Variants in SNX33 observed in about 807,000 individuals in gnomAD.
SNX33 encodes sorting nexin 33, also known as sorting nexin-33.
Under a neutral mutation model 38.8 loss-of-function variants are expected in SNX33, and 19 were observed. The observed-to-expected ratio is 0.49, with a 90% CI of 0.34 to 0.72. The LOEUF (loss-of-function observed/expected upper bound fraction) is 0.72, where lower values mean the gene tolerates loss of function less well. SNX33 is among the 30% of genes least tolerant of loss of function. The pLI is 0.01. For missense variants in SNX33, 641 were observed against 776.4 expected (o/e 0.83, Z 2.07); for synonymous variants, 246 against 289.7 (o/e 0.85, Z 1.53).
chr15:75,657,102 C>A lies in SNX33; in HGVS notation c.1612C>A (p.Arg538Ser). ...CGAGATGAACCACTTCCACCAGCGC[C>A]GTGAGCTCGACTTCAAGCACATGAT... ...QAEMNHFHQRRELDFKHMMQN... is the reference protein window; with the variant it reads ...QAEMNHFHQRSELDFKHMMQN... The change falls in exon 2 of 2, where the codon CGT becomes AGT. Residue 538 changes from arginine (R) to serine (S), a missense_variant. Coordinates refer to ENST00000308527, the MANE Select transcript of SNX33 (RefSeq NM_153271.2). This position sits in a 1 kb window ranked among gnomAD's most constrained non-coding sequence, Gnocchi z 5.5. 1 of 1,614,180 alleles carries A rather than the reference C, an allele frequency of 6.2e-7. No homozygotes were observed. Among genetic ancestry groups the A allele is most frequent in the Non-Finnish European group, 8.5e-7 (1 of 1,180,022 alleles).
At chr15:75,651,393 T>G (rs1376687943) in intron 1 of SNX33, among the ~76,000 whole-genome samples, 1 of 152,220 alleles carries the variant, frequency 6.6e-6, no homozygotes, top group Non-Finnish European at 1.5e-5. Flanking sequence ...CACGTCCATG[T>G]TGGCCACTTC....
Position 75,648,414 on chromosome 15 carries a change from G to A in SNX33, c.-689G>A. 1 of 985,420 alleles carries A rather than the reference G, an allele frequency of 1.0e-6. No individual in the cohort carries two copies. Among genetic ancestry groups the A allele is most frequent in the Non-Finnish European group, 1.2e-6 (1 of 829,958 alleles). 61.0% of individuals were successfully genotyped at this position (985,420 alleles called of 1,614,324 possible). On this transcript the variant is annotated 5_prime_UTR_variant, in exon 1 of 2. Coordinates refer to ENST00000308527, the MANE Select transcript of SNX33 (RefSeq NM_153271.2). This position sits in a 1 kb window ranked among gnomAD's most constrained non-coding sequence, Gnocchi z 4.4. ...GGTCGAAGAGTTGGCGGCCTGTTGT[G>A]TAAGCCTCAGTCCTTGTTTTCCCGG... is the stretch of plus-strand genomic sequence containing the variant.
Position 75,648,872 on chromosome 15 carries a change from A to T in SNX33, c.-231A>T. On this transcript the variant is annotated 5_prime_UTR_variant, in exon 1 of 2. Coordinates refer to ENST00000308527, the MANE Select transcript of SNX33 (RefSeq NM_153271.2). The surrounding 1 kb of genome is among the most constrained non-coding windows in gnomAD (Gnocchi z 4.4). ...CTGTGGACATGAGCCCTCCCTGCTC[A>T]CAAGCATATGCCCGGAGACCTGATA... 2.2e-6 allele frequency: 1 copy of T among 456,086 alleles called. No homozygotes were observed. The highest frequency in any genetic ancestry group is 3.7e-6 in the Non-Finnish European group (1 of 268,430). 28.3% of individuals were successfully genotyped at this position (456,086 alleles called of 1,614,324 possible).
chr15:75,653,935 T>C lies in SNX33; in HGVS notation c.1472-3027T>C, dbSNP rs147111551. Among the ~76,000 whole-genome samples, 607 of 151,486 alleles carry C rather than the reference T, an allele frequency of 4.0e-3. 10 individuals carry two copies. Among genetic ancestry groups the C allele is most frequent in the East Asian group, 0.012 (60 of 5,132 alleles). On this transcript the variant is annotated intron_variant, in intron 1 of 1. Coordinates refer to ENST00000308527, the MANE Select transcript of SNX33 (RefSeq NM_153271.2). ...AGTGAAACCCTGTCTCTACTAAAAA[T>C]ACAAAAAAATAGCCAGGCATGGTGG...
rs112187520 is a variant in SNX33, at chr15:75,661,846, T to A, written c.*4631T>A. ...AGGGGAGGCAGATTTCCCCTCTAGA[T>A]GAGTGAAGGGATAGGAGGCTGGTGA... On this transcript the variant is annotated 3_prime_UTR_variant, in exon 2 of 2. Transcript: ENST00000308527. This position sits in a 1 kb window ranked among gnomAD's most constrained non-coding sequence, Gnocchi z 4.5. The A allele has an allele frequency of 1.3e-5, 2 of 152,008 alleles. No homozygotes were observed. The highest frequency in any genetic ancestry group is 2.4e-5 in the African/African-American group (1 of 41,348). The allele number at this position is 152,008 out of a possible 1,614,324, so 9.4% of individuals were successfully genotyped here. A position where few individuals can be genotyped will look rare whatever the true frequency, so the allele number is the denominator to read the frequency against.
chr15:75,652,096 C>T (rs1188296523), intron 1 of SNX33, among the ~76,000 whole-genome samples: 1 of 151,922 alleles, frequency 6.6e-6, no homozygotes, highest in Non-Finnish European at 1.5e-5. Context: ...TTGGCTCTGC[C>T]CCTAGATTGC....
rs1893571428 is a variant in SNX33 at position 75,650,892 on chromosome 15, G to A, written c.1471+319G>A. Among the ~76,000 whole-genome samples the A allele has an allele frequency of 6.6e-6, 1 of 151,860 alleles. No homozygotes were observed. The highest frequency in any genetic ancestry group is 1.5e-5 in the Non-Finnish European group (1 of 68,012). On this transcript the variant is annotated intron_variant, in intron 1 of 1. Coordinates refer to ENST00000308527, the MANE Select transcript of SNX33 (RefSeq NM_153271.2). The surrounding 1 kb of genome is among the most constrained non-coding windows in gnomAD (Gnocchi z 6.1). ...CAAACAAACAAACAAACAAACAAAT[G>A]TGTTGAATATCAACTCTGTGTCTGT... is the stretch of plus-strand genomic sequence containing the variant.
In SNX33 at chr15:75,660,295, C is replaced by T. The variant is rs1893707513; in HGVS notation, c.*3080C>T. ...GCAGACCTCAGATCCTGCATCTCTT[C>T]ACCCGCTGGACACAGGAGGGCTATG... is the stretch of plus-strand genomic sequence containing the variant. On this transcript the variant is annotated 3_prime_UTR_variant, in exon 2 of 2. Transcript: ENST00000308527. 6.6e-6 allele frequency: 1 copy of T among 152,310 alleles called. No individual in the cohort carries two copies. The highest frequency in any genetic ancestry group is 1.5e-5 in the Non-Finnish European group (1 of 68,108). 9.4% of individuals were successfully genotyped at this position (152,310 alleles called of 1,614,324 possible). A position where few individuals can be genotyped will look rare whatever the true frequency, so the allele number is the denominator to read the frequency against.
At position 75,649,240 on chromosome 15, in the gene SNX33, G is replaced by T. The variant is rs775499078; in HGVS notation, c.138G>T (p.Gly46=). Residue 46 remains glycine, a synonymous_variant, in exon 1 of 2, where the codon GGG becomes GGT. Transcript: ENST00000308527. The surrounding 1 kb of genome is among the most constrained non-coding windows in gnomAD (Gnocchi z 6.6). ...GGCTGCAGGGCCAGAACAGCCGTGGGGAGACAGGGCTCTTTCCTGCCTCTT... is the reference window on the plus strand; with the variant it reads ...GGCTGCAGGGCCAGAACAGCCGTGGTGAGACAGGGCTCTTTCCTGCCTCTT... The part of the protein sequence containing the change: ...DGWLQGQNSR[G]ETGLFPASYV... The T allele has an allele frequency of 3.7e-6, 6 of 1,614,134 alleles. No individual in the cohort carries two copies. Among genetic ancestry groups the T allele is most frequent in the Non-Finnish European group, 5.1e-6 (6 of 1,180,008 alleles).
rs181414464 is a variant in SNX33, at chr15:75,655,783, G to C, written c.1472-1179G>C. On this transcript the variant is annotated intron_variant, in intron 1 of 1. Coordinates refer to ENST00000308527, the MANE Select transcript of SNX33 (RefSeq NM_153271.2). ...TTGAGCATGCTATCTGTGTGTAGTG[G>C]GTGCGTTTGCAGTGCTCAGGGGTGT... Among the ~76,000 whole-genome samples, 40 of 152,256 alleles carry C rather than the reference G, an allele frequency of 2.6e-4. No individual in the cohort carries two copies. In the East Asian group the frequency reaches 7.5e-3, roughly 29 times the overall value.
At chr15:75,652,234 G>T (rs75916688) in intron 1 of SNX33, among the ~76,000 whole-genome samples, 1,861 of 152,280 alleles carry the variant, frequency 0.012, 48 homozygotes, top group African/African-American at 0.038. Flanking sequence ...CCTGGGGAGG[G>T]TATGGCTCAG....
Position 75,648,859 on chromosome 15 carries a change from G to C in SNX33, c.-244G>C. On this transcript the variant is annotated 5_prime_UTR_variant, in exon 1 of 2. Coordinates refer to ENST00000308527, the MANE Select transcript of SNX33 (RefSeq NM_153271.2). This position sits in a 1 kb window ranked among gnomAD's most constrained non-coding sequence, Gnocchi z 4.4. ...AGGGAGGAGGAGACTGTGGACATGA[G>C]CCCTCCCTGCTCACAAGCATATGCC... 9.6e-6 allele frequency: 4 copies of C among 418,382 alleles called. No homozygotes were observed. Among genetic ancestry groups the C allele is most frequent in the Non-Finnish European group, 1.6e-5 (4 of 242,802 alleles). The allele number at this position is 418,382 out of a possible 1,614,324, so 25.9% of individuals were successfully genotyped here.
In SNX33 at chr15:75,650,429, A is replaced by G. The variant is rs1177735584; in HGVS notation, c.1327A>G (p.Ile443Val). The change falls in exon 1 of 2, where the codon ATT becomes GTT. Residue 443 changes from isoleucine to valine, a missense_variant. By Grantham distance (29) the Ile-to-Val change is conservative (BLOSUM62 3). Coordinates refer to ENST00000308527, the MANE Select transcript of SNX33 (RefSeq NM_153271.2). This position sits in a 1 kb window ranked among gnomAD's most constrained non-coding sequence, Gnocchi z 6.1. ...PFCSEALNSA[I>V]SHTGRTYEAI... is the part of the protein sequence containing the mutation. ...TTGCTCTGAGGCCCTCAACAGTGCC[A>G]TTTCTCACACGGGCCGTACCTATGA... 3 of 1,613,914 alleles carry G rather than the reference A, an allele frequency of 1.9e-6. No homozygotes were observed. The highest frequency in any genetic ancestry group is 2.7e-5 in the African/African-American group (2 of 74,872).
Position 75,650,371 on chromosome 15 carries a change from C to T in SNX33, c.1269C>T (p.Ala423=). 1.9e-6 allele frequency: 3 copies of T among 1,611,478 alleles called. No individual in the cohort carries two copies. Among genetic ancestry groups the T allele is most frequent in the Non-Finnish European group, 1.7e-6 (2 of 1,178,680 alleles). Residue 423 remains alanine, a synonymous_variant, in exon 1 of 2, where the codon GCC becomes GCT. Coordinates refer to ENST00000308527, the MANE Select transcript of SNX33 (RefSeq NM_153271.2). This position sits in a 1 kb window ranked among gnomAD's most constrained non-coding sequence, Gnocchi z 6.1. ...AGAAGCTGGGCAGTGCCTTCCAGGC[C>T]ATCAGTCATTCCTTCCAGATGGACC... The part of the protein sequence containing the change: ...EFQKLGSAFQ[A]ISHSFQMDPP...
At position 75,657,553 on chromosome 15, in the gene SNX33, C is replaced by T. The variant is rs956768472; in HGVS notation, c.*338C>T. The stretch of plus-strand genomic sequence containing the variant: ...GCTCACCTGGCCACTGCTGCCTTAT[C>T]CATTCAGCAGACACCGAGGCCTGCT... On this transcript the variant is annotated 3_prime_UTR_variant, in exon 2 of 2. Transcript: ENST00000308527. The surrounding 1 kb of genome is among the most constrained non-coding windows in gnomAD (Gnocchi z 5.5). The T allele has an allele frequency of 2.5e-6, 1 of 394,964 alleles. No individual in the cohort carries two copies. The allele number at this position is 394,964 out of a possible 1,614,324, so 24.5% of individuals were successfully genotyped here.
Position 75,649,899 on chromosome 15 carries a change from G to A in SNX33, c.797G>A (p.Arg266His), listed in dbSNP as rs998705036. Reference sequence around the variant, plus strand: ...CATGCTGCCTCACCCGTCTACCGGCGCTACAAACACTTTGACTGGCTCTAT... The same window carrying A: ...CATGCTGCCTCACCCGTCTACCGGCACTACAAACACTTTGACTGGCTCTAT... Reference protein sequence around the residue: ...PTHAASPVYRRYKHFDWLYNR... With the variant: ...PTHAASPVYRHYKHFDWLYNR... Residue 266 changes from arginine (R) to histidine (H), a missense_variant, in exon 1 of 2, where the codon CGC (arginine) becomes CAC (histidine). Physicochemically the swap from Arg to His is conservative, Grantham distance 29 (BLOSUM62 0). This residue lies in a region of SNX33 where 398 missense variants were observed against 542.5 expected (regional missense o/e 0.73). Coordinates refer to ENST00000308527, the MANE Select transcript of SNX33 (RefSeq NM_153271.2). The surrounding 1 kb of genome is among the most constrained non-coding windows in gnomAD (Gnocchi z 6.6). The A allele has an allele frequency of 4.5e-6, 7 of 1,562,334 alleles. No individual in the cohort carries two copies. The highest frequency in any genetic ancestry group is 2.3e-5 in the East Asian group (1 of 44,412).
rs1423456817 is a variant in SNX33, at chr15:75,650,561, C to T, written c.1459C>T (p.His487Tyr). 6.3e-7 allele frequency: 1 copy of T among 1,596,996 alleles called. No individual in the cohort carries two copies. The highest frequency in any genetic ancestry group is 8.5e-7 in the Non-Finnish European group (1 of 1,171,380). ...GLLSNFPDII[H>Y]LQKGAFAKVK... ...GCTCTCCAACTTCCCTGACATCATC[C>T]ATCTACAAAAAGGTAAGGCCCAGTG... Residue 487 changes from histidine to tyrosine, a missense_variant, in exon 1 of 2, where the codon CAT becomes TAT. By Grantham distance (83) the His-to-Tyr change is moderately conservative. Around this residue, in one of 2 missense-constraint regions of SNX33, gnomAD observed 398 missense variants for 542.5 expected, o/e 0.73. Coordinates refer to ENST00000308527, the MANE Select transcript of SNX33 (RefSeq NM_153271.2). This position sits in a 1 kb window ranked among gnomAD's most constrained non-coding sequence, Gnocchi z 6.1.
rs1893529941 is a variant in SNX33, at chr15:75,648,699, T to A, written c.-404T>A. On this transcript the variant is annotated 5_prime_UTR_variant, in exon 1 of 2. Transcript: ENST00000308527. This position sits in a 1 kb window ranked among gnomAD's most constrained non-coding sequence, Gnocchi z 4.4. Reference sequence around the variant, plus strand: ...AATGGTGGTTTCAGAGTGAGTCTCTTCTATTTTAGAACGTTGTTCCAGTGG... The same window carrying A: ...AATGGTGGTTTCAGAGTGAGTCTCTACTATTTTAGAACGTTGTTCCAGTGG... 1 of 239,782 alleles carries A rather than the reference T, an allele frequency of 4.2e-6. No homozygotes were observed. The highest frequency in any genetic ancestry group is 6.8e-6 in the Non-Finnish European group (1 of 147,388). 14.9% of individuals were successfully genotyped at this position (239,782 alleles called of 1,614,324 possible).
rs996682669 is a variant in SNX33, at chr15:75,649,548, G to C, written c.446G>C (p.Gly149Ala). ...GHPPLNLSYP[G>A]AYPSQHMAFR... ...CCTCCCCTCAACCTCTCCTACCCTG[G>C]TGCCTACCCCAGCCAGCACATGGCC... is the stretch of plus-strand genomic sequence containing the variant. The change falls in exon 1 of 2, where the codon GGT becomes GCT. Residue 149 changes from glycine to alanine, a missense_variant. Coordinates refer to ENST00000308527, the MANE Select transcript of SNX33 (RefSeq NM_153271.2). The surrounding 1 kb of genome is among the most constrained non-coding windows in gnomAD (Gnocchi z 6.6). The C allele has an allele frequency of 5.0e-6, 8 of 1,612,400 alleles. No individual in the cohort carries two copies. Among genetic ancestry groups the C allele is most frequent in the Non-Finnish European group, 5.9e-6 (7 of 1,179,122 alleles).
Sources: allele counts gnomAD v4.1 joint callset (sites outside exome capture counted in the v4.1 genomes callset), GRCh38; gene constraint gnomAD v4.1.1; regional missense constraint gnomAD v4.1.1; non-coding constraint Gnocchi (gnomAD v3.1); transcripts MANE v1.5; gene names NCBI Gene and HGNC (gene_info 2026-07-23, HGNC 2026-07-21).